The following BRI3 variants were observed in gnomAD, a reference collection of about 807,000 sequenced individuals.
The protein encoded by BRI3 is membrane protein BRI3.
A neutral mutation model predicts 12.8 loss-of-function variants in BRI3; 6 were observed. The ratio of observed to expected loss-of-function variants is 0.47; its 90% confidence interval spans 0.26 to 0.93. The LOEUF (loss-of-function observed/expected upper bound fraction) is 0.93, where lower values mean the gene tolerates loss of function less well. BRI3 is among the 40% of genes least tolerant of loss of function. The probability of loss-of-function intolerance (pLI) is 0.15; values close to 1 mark genes in which losing one functional copy is unlikely to be tolerated. For synonymous variants in BRI3, 91 were observed against 76.1 expected (o/e 1.20, Z -1.02); for missense variants, 134 against 171.1 (o/e 0.78, Z 1.21).
chr7:98,320,375 G>C, the BRI3 span: 13 of 1,171,570 alleles, frequency 1.1e-5, no homozygotes, highest in Admixed American at 2.2e-5. Flanking sequence ...TTGCTCTGTC[G>C]CCCAGGCTGG....
chr7:98,293,733 G>A (rs533759326), downstream of BRI3: 7 of 791,222 alleles, frequency 8.8e-6, no homozygotes, highest in African/African-American at 6.8e-5. Flanking sequence ...TCCCAGCAGC[G>A]TTTTCTGAGT....
chr7:98,312,151 A>T (rs773211490), downstream of BRI3: 1 of 1,614,042 alleles, frequency 6.2e-7, no homozygotes, highest in Non-Finnish European at 8.5e-7. Context: ...ACACGGGGGT[A>T]GAGGCTGGGG....
At chr7:98,314,428 CTAACT>C (rs779806268), downstream of BRI3, among the ~76,000 whole-genome samples, 94 of 152,218 alleles carry the variant, frequency 6.2e-4, no homozygotes, top group Non-Finnish European at 2.4e-4. Context: ...GGAACACTCT[CTAACT>C]TTACTATGAA....
chr7:98,311,402 G>A (rs1478537212), downstream of BRI3, among the ~76,000 whole-genome samples: 1 of 151,892 alleles, frequency 6.6e-6, no homozygotes, highest in African/African-American at 2.4e-5. Flanking sequence ...AAATTAGCCA[G>A]GCATGGTGGC....
the BRI3 span, chr7:98,319,926 T>C: frequency 2.7e-6 from 2 of 752,202 alleles, no homozygotes; most frequent in East Asian, 2.5e-5. Flanking sequence ...GTCGGTTTCA[T>C]GCATCTGGGC....
chr7:98,316,111 A>G, the BRI3 span, among the ~76,000 whole-genome samples: 4 of 152,148 alleles, frequency 2.6e-5, no homozygotes, highest in Admixed American at 6.6e-5. Flanking sequence ...GTGATAGTGA[A>G]TAAGTCTCAC....
upstream of BRI3, among the ~76,000 whole-genome samples, chr7:98,304,571 A>G (rs1800562061): frequency 6.6e-6 from 1 of 152,032 alleles, no homozygotes; most frequent in Non-Finnish European, 1.5e-5. Flanking sequence ...TTTTTGCGAC[A>G]GAGTCTCACT....
chr7:98,293,398 G>A, downstream of BRI3: 1 of 870,412 alleles, frequency 1.1e-6, no homozygotes, highest in South Asian at 1.6e-5. Flanking sequence ...TGCTTAAGCA[G>A]GCGACATTAG....
At chr7:98,289,689 G>A (rs1011067010) in intron 2 of BRI3, among the ~76,000 whole-genome samples, 2 of 152,240 alleles carry the variant, frequency 1.3e-5, no homozygotes, top group Non-Finnish European at 2.9e-5. Context: ...GAAGGAGCCC[G>A]TTGGGGTCTG....
At chr7:98,291,612 C>G (rs1051310293), downstream of BRI3, 1 of 828,002 alleles carries the variant, frequency 1.2e-6, no homozygotes, top group African/African-American at 1.8e-5. Context: ...CAGTCCTGAC[C>G]ACAGTTGTAT....
rs1174074917 is a variant in BRI3, at chr7:98,281,786, C to T, written c.-10C>T. The T allele has an allele frequency of 5.3e-6, 6 of 1,137,866 alleles. No homozygotes were observed. The East Asian group carries it at 2.5e-4, about 48-fold the overall frequency. The allele number at this position is 1,137,866 out of a possible 1,614,324, so 70.5% of individuals were successfully genotyped here. A position where few individuals can be genotyped will look rare whatever the true frequency, so the allele number is the denominator to read the frequency against. The stretch of plus-strand genomic sequence containing the variant: ...AGCCGGGCCGGAGCGGCGGGCGCGG[C>T]CGGGCCGCCATGGACCACAAGCCGC... On this transcript the variant is annotated 5_prime_UTR_variant, in exon 1 of 3. Transcript: ENST00000297290.
chr7:98,295,723 C>T (rs1453328108), downstream of BRI3, among the ~76,000 whole-genome samples: 8 of 152,188 alleles, frequency 5.3e-5, no homozygotes, highest in African/African-American at 2.4e-5. Context: ...TAGGGGAAGG[C>T]GCTTCCCAAA....
At chr7:98,312,009 C>G (rs1397648888), downstream of BRI3, 3 of 1,354,550 alleles carry the variant, frequency 2.2e-6, no homozygotes, top group Non-Finnish European at 3.0e-6. Flanking sequence ...AAAGGGGGAC[C>G]TGTGATTCCC....
Sources: allele counts gnomAD v4.1 joint callset (sites outside exome capture counted in the v4.1 genomes callset), GRCh38; gene constraint gnomAD v4.1.1; transcripts MANE v1.5; gene names NCBI Gene and HGNC (gene_info 2026-07-23, HGNC 2026-07-21).